Variants in MALRD1 observed in about 807,000 individuals in gnomAD.
The protein encoded by MALRD1 is MAM and LDL receptor class A domain containing 1, also known as MAM and LDL-receptor class A domain-containing protein 1.
In MALRD1, 247 loss-of-function variants were observed where a neutral mutation model predicts 242.1. The observed-to-expected ratio is 1.02, with a 90% confidence interval of 0.92 to 1.13. The LOEUF is 1.13. Ranked by LOEUF, MALRD1 falls within the 50% of genes most tolerant of loss-of-function variation. The pLI is 0.00. For missense variants in MALRD1, 2,989 were observed against 2,533.1 expected (o/e 1.18, Z -3.86); for synonymous variants, 995 against 866.6 (o/e 1.15, Z -2.60).
chr10:19,155,830 A>C (rs1426697782), intron 12 of MALRD1, among the ~76,000 whole-genome samples: 3 of 152,238 alleles, frequency 2.0e-5, no homozygotes, highest in Non-Finnish European at 2.9e-5. Context: ...AATGTGATTA[A>C]ATAAAGCACC....
In MALRD1 at chr10:19,618,565, C is replaced by T. The variant is rs1839268435; in HGVS notation, c.6137+2642C>T. 2.6e-5 allele frequency among the ~76,000 whole-genome samples: 4 copies of T among 152,060 alleles called. No individual in the cohort carries two copies. In the South Asian group the frequency reaches 8.3e-4, roughly 32 times the overall value. ...TGGTATGTCACTATGGTTTTGACTT[C>T]CATTCCTCTAATGATCAGTGATGTT... On this transcript the variant is annotated intron_variant, in intron 36 of 39. Coordinates refer to ENST00000454679, the MANE Select transcript of MALRD1 (RefSeq NM_001142308.3).
chr10:19,562,337 A>ATAGT (rs1836013614), intron 32 of MALRD1, among the ~76,000 whole-genome samples: 2 of 141,632 alleles, frequency 1.4e-5, no homozygotes, highest in Non-Finnish European at 3.0e-5. Context: ...AGATAGATAG[A>ATAGT]TAGATAGTTA....
At chr10:19,509,332 A>G (rs1259509404) in intron 31 of MALRD1, among the ~76,000 whole-genome samples, 2 of 152,176 alleles carry the variant, frequency 1.3e-5, no homozygotes, top group Admixed American at 6.5e-5. Flanking sequence ...CATCTGCCTC[A>G]TTTGGGTATG....
At chr10:19,705,851 A>AT (rs988733285) in intron 38 of MALRD1, among the ~76,000 whole-genome samples, 9 of 148,626 alleles carry the variant, frequency 6.1e-5, no homozygotes, top group African/African-American at 1.5e-4. Flanking sequence ...GAAAGAAAGC[A>AT]TTTTTTTCAA....
intron 32 of MALRD1, among the ~76,000 whole-genome samples, chr10:19,538,076 G>A (rs996352281): frequency 2.0e-5 from 3 of 152,158 alleles, no homozygotes; most frequent in South Asian, 2.1e-4. Context: ...TTAATGAAGT[G>A]TATCATATAA....
At chr10:19,582,016 C>T (rs1382541036) in intron 33 of MALRD1, among the ~76,000 whole-genome samples, 8 of 152,148 alleles carry the variant, frequency 5.3e-5, no homozygotes, top group East Asian at 1.9e-4. Flanking sequence ...TGCATAAATG[C>T]CTTCTTTTGA....
intron 17 of MALRD1, among the ~76,000 whole-genome samples, chr10:19,207,708 G>T (rs1331251658): frequency 2.6e-5 from 4 of 152,094 alleles, no homozygotes; most frequent in Non-Finnish European, 1.5e-5. Context: ...CAGCATGTTG[G>T]TTGGGCTGGT....
chr10:19,504,950 G>A (rs1838141011), intron 31 of MALRD1, among the ~76,000 whole-genome samples: 1 of 151,920 alleles, frequency 6.6e-6, no homozygotes, highest in Non-Finnish European at 1.5e-5. Context: ...CCAAAGTGCT[G>A]GGATTACAGG....
chr10:19,493,482 T>C (rs1837578171), intron 30 of MALRD1, among the ~76,000 whole-genome samples: 1 of 152,098 alleles, frequency 6.6e-6, no homozygotes, highest in African/African-American at 2.4e-5. Context: ...TATAGTTCAC[T>C]GAGTAACACT....
intron 29 of MALRD1, among the ~76,000 whole-genome samples, chr10:19,454,245 T>C (rs911228227): frequency 1.3e-5 from 2 of 151,448 alleles, no homozygotes; most frequent in African/African-American, 4.9e-5. Flanking sequence ...TACAAACTAA[T>C]AGGACAAACC....
intron 29 of MALRD1, chr10:19,488,997 T>A (rs1443714068): frequency 6.6e-6 from 3 of 454,758 alleles, no homozygotes; most frequent in Non-Finnish European, 1.3e-5. Context: ...AATCCGGTTC[T>A]ATCCGGTTCT....
intron 13 of MALRD1, among the ~76,000 whole-genome samples, chr10:19,171,449 T>C (rs58736136): frequency 3.0e-5 from 4 of 133,280 alleles, no homozygotes; most frequent in Non-Finnish European, 6.4e-5. Context: ...TATATATATA[T>C]ATATATATAC....
chr10:19,138,575 C>T (rs2131418905), intron 10 of MALRD1, among the ~76,000 whole-genome samples: 1 of 152,044 alleles, frequency 6.6e-6, no homozygotes, highest in African/African-American at 2.4e-5. Flanking sequence ...CATGTGCCAC[C>T]ATACCCAGAT....
At chr10:19,547,364 C>A (rs1216611941) in intron 32 of MALRD1, among the ~76,000 whole-genome samples, 2 of 152,036 alleles carry the variant, frequency 1.3e-5, no homozygotes, top group Admixed American at 1.3e-4. Context: ...GACTGGAACA[C>A]AGGAAACCTA....
At chr10:19,394,328 T>C (rs535986634) in intron 28 of MALRD1, among the ~76,000 whole-genome samples, 2 of 152,238 alleles carry the variant, frequency 1.3e-5, no homozygotes, top group African/African-American at 4.8e-5. Context: ...CATGGTATTT[T>C]AAGAAAAAAG....
intron 26 of MALRD1, among the ~76,000 whole-genome samples, chr10:19,371,127 G>T (rs1435264097): frequency 2.6e-5 from 4 of 151,144 alleles, no homozygotes; most frequent in Admixed American, 6.6e-5. Flanking sequence ...GCCAGGTGTG[G>T]TGGCATGCAC....
At chr10:19,156,649 T>C (rs1004999553) in intron 12 of MALRD1, among the ~76,000 whole-genome samples, 2 of 152,152 alleles carry the variant, frequency 1.3e-5, no homozygotes, top group African/African-American at 4.8e-5. Context: ...TTTGAAGATA[T>C]TAAGAGTGTA....
In MALRD1 at chr10:19,290,477, A is replaced by G. The variant is rs1841362819; in HGVS notation, c.3419+7296A>G. ...AAATATTGCTCTCAACTATAATGCA[A>G]TGGAAAGATAAAGTAAAAATCATTC... On this transcript the variant is annotated intron_variant, in intron 21 of 39. Coordinates refer to ENST00000454679, the MANE Select transcript of MALRD1 (RefSeq NM_001142308.3). The G allele has an allele frequency of 1.3e-5, 2 of 152,192 alleles. 1 individual carries two copies. Among genetic ancestry groups the G allele is most frequent in the African/African-American group, 4.8e-5 (2 of 41,444 alleles). 9.4% of individuals were successfully genotyped at this position (152,192 alleles called of 1,614,324 possible). A position where few individuals can be genotyped will look rare whatever the true frequency, so the allele number is the denominator to read the frequency against.
At chr10:19,495,979 C>T (rs1267411795) in intron 30 of MALRD1, among the ~76,000 whole-genome samples, 3 of 151,878 alleles carry the variant, frequency 2.0e-5, no homozygotes, top group African/African-American at 7.3e-5. Flanking sequence ...AAGACAATGA[C>T]TGTAGATATG....
Sources: gnomAD v4.1 joint callset for allele counts (sites outside exome capture counted in the v4.1 genomes callset) on GRCh38, gnomAD v4.1.1 for gene constraint, MANE v1.5 for transcripts, NCBI Gene and HGNC (gene_info 2026-07-23, HGNC 2026-07-21) for gene names.